AFG1L: variants seen among roughly 807,000 people sequenced by gnomAD.
The protein encoded by AFG1L is AFG1-like ATPase.
A neutral mutation model predicts 62.2 loss-of-function variants in AFG1L; 53 were observed. That is an observed-to-expected ratio of 0.85 (90% CI 0.68 to 1.07). The LOEUF (loss-of-function observed/expected upper bound fraction) is 1.07. Ranked by LOEUF, AFG1L falls within the 50% of genes least tolerant of loss-of-function variation. AFG1L has a pLI of 0.00. For missense variants in AFG1L, 555 were observed against 590.5 expected (o/e 0.94, Z 0.62); for synonymous variants, 228 against 210.3 (o/e 1.08, Z -0.73).
chr6:108,469,013 A>ATTTTGGTCTT (rs1772785519), intron 8 of AFG1L, among the ~76,000 whole-genome samples: 1 of 151,956 alleles, frequency 6.6e-6, no homozygotes, highest in African/African-American at 2.4e-5. Context: ...CCTTTTAAAA[A>ATTTTGGTCTT]TGTCTTTATT....
At chr6:108,396,368 C>T (rs1055525929) in intron 6 of AFG1L, among the ~76,000 whole-genome samples, 2 of 152,010 alleles carry the variant, frequency 1.3e-5, no homozygotes, top group African/African-American at 4.8e-5. Flanking sequence ...AAACATCTTC[C>T]TAAGGCAATA....
rs552264949 is a variant in AFG1L at position 108,418,768 on chromosome 6, T to A, written c.807+16714T>A. Among the ~76,000 whole-genome samples the A allele has an allele frequency of 4.6e-5, 7 of 152,368 alleles. No homozygotes were observed. In the South Asian group the frequency reaches 1.2e-3, roughly 27 times the overall value. ...TAAAAGGAATAATATATCTTAAATG[T>A]ACATTCACTGAACAATATTTATGGA... On this transcript the variant is annotated intron_variant, in intron 7 of 12. Transcript: ENST00000368977.
rs368418457 is a variant in AFG1L at position 108,351,413 on chromosome 6, C to T, written c.416-4241C>T. Among the ~76,000 whole-genome samples, 4 of 152,058 alleles carry T rather than the reference C, an allele frequency of 2.6e-5. No individual in the cohort carries two copies. In the East Asian group the frequency reaches 5.8e-4, roughly 22 times the overall value. On this transcript the variant is annotated intron_variant, in intron 3 of 12. Transcript: ENST00000368977. ...AGAAATGCGGTGGATTTTTTGATGA[C>T]CTTGTATCCTGTGATCTTGCTAAAT...
chr6:108,351,737 G>A (rs555937689), intron 3 of AFG1L, among the ~76,000 whole-genome samples: 3 of 150,970 alleles, frequency 2.0e-5, no homozygotes, highest in South Asian at 4.3e-4. Flanking sequence ...GGTAAAACAC[G>A]TAACATAAAA....
At chr6:108,431,449 T>C (rs9480855) in intron 7 of AFG1L, among the ~76,000 whole-genome samples, 42 of 152,254 alleles carry the variant, frequency 2.8e-4, no homozygotes, top group African/African-American at 1.0e-3. Context: ...ACAAATACTA[T>C]ATTTTACAAG....
At chr6:108,449,511 T>C (rs991844477) in intron 8 of AFG1L, among the ~76,000 whole-genome samples, 1 of 152,200 alleles carries the variant, frequency 6.6e-6, no homozygotes, top group African/African-American at 2.4e-5. Context: ...ACATGAGGAC[T>C]TGGGTAGAAC....
At chr6:108,304,280 C>A (rs987808901) in intron 1 of AFG1L, among the ~76,000 whole-genome samples, 1 of 152,138 alleles carries the variant, frequency 6.6e-6, no homozygotes, top group Admixed American at 6.5e-5. Flanking sequence ...GTTTATTCAT[C>A]ACAGAATGAA....
intron 1 of AFG1L, among the ~76,000 whole-genome samples, chr6:108,307,158 C>T (rs1191588581): frequency 1.3e-5 from 2 of 151,728 alleles, no homozygotes; most frequent in African/African-American, 4.8e-5. Context: ...GGATTACAGG[C>T]GCATGCTACC....
rs561522126 is a variant in AFG1L at position 108,428,689 on chromosome 6, C to A, written c.808-18525C>A. Among the ~76,000 whole-genome samples, 3 of 152,236 alleles carry A rather than the reference C, an allele frequency of 2.0e-5. 1 individual carries two copies. The highest frequency in any genetic ancestry group is 4.1e-4 in the South Asian group (2 of 4,826). ...CTCATTGTGGTTTTAATTTGCATAT[C>A]CCTGGCAGTTAGTGATACTGAGCAT... On this transcript the variant is annotated intron_variant, in intron 7 of 12. Coordinates refer to ENST00000368977, the MANE Select transcript of AFG1L (RefSeq NM_145315.5).
chr6:108,418,760 C>T (rs1770447991), intron 7 of AFG1L, among the ~76,000 whole-genome samples: 1 of 152,168 alleles, frequency 6.6e-6, no homozygotes, highest in African/African-American at 2.4e-5. Context: ...AATAATATAT[C>T]TTAAATGTAC....
At chr6:108,473,382 C>G (rs893406616) in intron 8 of AFG1L, among the ~76,000 whole-genome samples, 1 of 152,040 alleles carries the variant, frequency 6.6e-6, no homozygotes, top group Non-Finnish European at 1.5e-5. Context: ...ACCAAATATG[C>G]TTTTGGAGGC....
At chr6:108,336,678 A>G (rs925176957) in intron 2 of AFG1L, among the ~76,000 whole-genome samples, 8 of 152,248 alleles carry the variant, frequency 5.3e-5, no homozygotes, top group Admixed American at 2.0e-4. Context: ...TTATTTCAAA[A>G]GTAAAAGTAA....
chr6:108,349,524 A>G (rs1004733254), intron 3 of AFG1L, among the ~76,000 whole-genome samples: 2 of 151,986 alleles, frequency 1.3e-5, no homozygotes, highest in African/African-American at 4.8e-5. Flanking sequence ...TCAAGTTTTC[A>G]TTTGAGGGGC....
chr6:108,386,007 G>A (rs1780747953), intron 6 of AFG1L, among the ~76,000 whole-genome samples: 2 of 152,286 alleles, frequency 1.3e-5, no homozygotes, highest in South Asian at 4.2e-4. Flanking sequence ...GAGCTTCTCA[G>A]GAGGCTGAGG....
At chr6:108,491,093 A>T (rs2114851550) in intron 10 of AFG1L, among the ~76,000 whole-genome samples, 1 of 152,362 alleles carries the variant, frequency 6.6e-6, no homozygotes, top group African/African-American at 2.4e-5. Flanking sequence ...GTGTGTACAG[A>T]TACACACACA....
chr6:108,471,914 G>A, intron 8 of AFG1L, among the ~76,000 whole-genome samples: 1 of 152,130 alleles, frequency 6.6e-6, no homozygotes, highest in East Asian at 1.9e-4. Flanking sequence ...AGCATACTGG[G>A]AAAGCATTAT....
intron 11 of AFG1L, among the ~76,000 whole-genome samples, chr6:108,516,648 C>G (rs1233589571): frequency 6.6e-6 from 1 of 152,178 alleles, no homozygotes; most frequent in Non-Finnish European, 1.5e-5. Context: ...GAAGTTCTGG[C>G]CAGGGCAATC....
chr6:108,506,842 C>A (rs1165234536), intron 10 of AFG1L, among the ~76,000 whole-genome samples: 2 of 152,174 alleles, frequency 1.3e-5, no homozygotes, highest in African/African-American at 4.8e-5. Context: ...AGATGTGGAA[C>A]CCACAGATAT....
chr6:108,320,344 G>A (rs879743638), intron 1 of AFG1L, among the ~76,000 whole-genome samples: 29 of 152,242 alleles, frequency 1.9e-4, no homozygotes, highest in Admixed American at 1.7e-3. Context: ...AATTGGTTAA[G>A]GAAACAAAGC....
Sources: allele counts gnomAD v4.1 joint callset (sites outside exome capture counted in the v4.1 genomes callset), GRCh38; gene constraint gnomAD v4.1.1; transcripts MANE v1.5; gene names NCBI Gene and HGNC (gene_info 2026-07-23, HGNC 2026-07-21).